DNAJC1: variants seen among roughly 807,000 people sequenced by gnomAD.
DNAJC1 encodes the protein DnaJ heat shock protein family (Hsp40) member C1, also known as dnaJ homolog subfamily C member 1.
DNAJC1 carries 58 observed loss-of-function variants against 76.6 expected under a neutral mutation model. The observed-to-expected ratio is 0.76, with a 90% confidence interval of 0.61 to 0.94. The LOEUF (loss-of-function observed/expected upper bound fraction) is 0.94. DNAJC1 is among the 40% of genes least tolerant of loss of function. The probability of loss-of-function intolerance (pLI) is 0.00; values close to 1 mark genes in which losing one functional copy is unlikely to be tolerated. For missense variants in DNAJC1, 689 were observed against 677.3 expected (o/e 1.02, Z -0.19); for synonymous variants, 258 against 267.9 (o/e 0.96, Z 0.36).
At chr10:21,808,270 CTATTTT>C (rs1270211950) in intron 8 of DNAJC1, among the ~76,000 whole-genome samples, 2 of 152,064 alleles carry the variant, frequency 1.3e-5, no homozygotes, top group African/African-American at 2.4e-5. Context: ...AAAATAATTT[CTATTTT>C]TAACAGATCA....
intron 8 of DNAJC1, among the ~76,000 whole-genome samples, chr10:21,853,530 A>G (rs1180790779): frequency 1.3e-5 from 2 of 152,094 alleles, no homozygotes; most frequent in African/African-American, 4.8e-5. Flanking sequence ...TTCGGTAAAA[A>G]AAGTTATTTC....
chr10:21,825,068 C>T (rs77022337), intron 8 of DNAJC1, among the ~76,000 whole-genome samples: 5 of 152,102 alleles, frequency 3.3e-5, no homozygotes, highest in East Asian at 1.9e-4. Flanking sequence ...TAAGCTGCCA[C>T]GCCCGGCCAA....
At chr10:21,916,105 C>G (rs1180898952) in intron 6 of DNAJC1, among the ~76,000 whole-genome samples, 1 of 152,186 alleles carries the variant, frequency 6.6e-6, no homozygotes, top group Non-Finnish European at 1.5e-5. Flanking sequence ...TTTCACAAGA[C>G]TCTAGTTTGA....
At chr10:21,843,710 A>C (rs1345090548) in intron 8 of DNAJC1, among the ~76,000 whole-genome samples, 3 of 151,290 alleles carry the variant, frequency 2.0e-5, no homozygotes, top group African/African-American at 7.3e-5. Context: ...GATTTTCTTA[A>C]TGACCTCAAA....
At chr10:21,995,346 G>T (rs886871547) in intron 1 of DNAJC1, among the ~76,000 whole-genome samples, 1 of 152,028 alleles carries the variant, frequency 6.6e-6, no homozygotes, top group Non-Finnish European at 1.5e-5. Flanking sequence ...TTTGACTACT[G>T]CTCACTATAC....
At chr10:21,959,167 TA>T (rs1175848238) in intron 1 of DNAJC1, among the ~76,000 whole-genome samples, 3 of 152,052 alleles carry the variant, frequency 2.0e-5, no homozygotes, top group African/African-American at 7.2e-5. Context: ...CTCGGTTACC[TA>T]GGCTAGGATG....
intron 8 of DNAJC1, among the ~76,000 whole-genome samples, chr10:21,854,274 A>C (rs1229740101): frequency 1.3e-5 from 2 of 151,674 alleles, no homozygotes; most frequent in Non-Finnish European, 2.9e-5. Context: ...AAATACAAAA[A>C]CTAAATCCTA....
intron 8 of DNAJC1, among the ~76,000 whole-genome samples, chr10:21,874,424 C>T (rs1836151772): frequency 6.7e-6 from 1 of 149,348 alleles, no homozygotes; most frequent in African/African-American, 2.5e-5. Context: ...AGAGTAAGAC[C>T]TGGTCTGTAA....
intron 6 of DNAJC1, among the ~76,000 whole-genome samples, chr10:21,908,994 T>A (rs1836808228): frequency 6.6e-6 from 1 of 152,082 alleles, no homozygotes; most frequent in African/African-American, 2.4e-5. Flanking sequence ...TAAGCAATTA[T>A]CCCTGCCTCA....
At position 21,925,486 on chromosome 10, in the gene DNAJC1, G is replaced by C. The variant is rs1366844165; in HGVS notation, c.371+3020C>G. Among the ~76,000 whole-genome samples the C allele has an allele frequency of 2.6e-5, 4 of 152,288 alleles. No homozygotes were observed. The East Asian group carries it at 7.7e-4, about 29-fold the overall frequency. On this transcript the variant is annotated intron_variant, in intron 3 of 11. Transcript: ENST00000376980. ...CATATGTCCATCTGAAGATTTATGTGAATGTTCATAGAAGCCTTGCTCATC... is the reference window on the plus strand; with the variant it reads ...CATATGTCCATCTGAAGATTTATGTCAATGTTCATAGAAGCCTTGCTCATC...
chr10:21,782,142 C>T (rs532191006), intron 9 of DNAJC1, among the ~76,000 whole-genome samples: 23 of 151,994 alleles, frequency 1.5e-4, no homozygotes, highest in South Asian at 8.3e-4. Context: ...ATTGATAGAC[C>T]GCTAGCAAGA....
intron 8 of DNAJC1, among the ~76,000 whole-genome samples, chr10:21,834,835 G>A (rs1007675190): frequency 2.0e-5 from 3 of 152,198 alleles, no homozygotes; most frequent in Admixed American, 6.5e-5. Flanking sequence ...CAGGAAGCTC[G>A]AACAGGGTGG....
At chr10:21,820,301 C>A (rs910981915) in intron 8 of DNAJC1, among the ~76,000 whole-genome samples, 1 of 152,090 alleles carries the variant, frequency 6.6e-6, no homozygotes, top group Admixed American at 6.6e-5. Flanking sequence ...GGGGGATATG[C>A]CACATTTTGT....
At chr10:21,826,237 C>CAAAAAA (rs538301271) in intron 8 of DNAJC1, among the ~76,000 whole-genome samples, 8 of 77,502 alleles carry the variant, frequency 1.0e-4, no homozygotes, top group East Asian at 1.3e-3. Context: ...AGACTTTGTC[C>CAAAAAA]AAAAAAAAAA....
intron 8 of DNAJC1, among the ~76,000 whole-genome samples, chr10:21,878,442 T>G (rs1836222246): frequency 6.6e-6 from 1 of 152,236 alleles, no homozygotes; most frequent in Non-Finnish European, 1.5e-5. Context: ...TACTGCATCT[T>G]TACATTTGTT....
chr10:21,930,267 G>T (rs957459531), intron 1 of DNAJC1, among the ~76,000 whole-genome samples: 1 of 152,118 alleles, frequency 6.6e-6, no homozygotes, highest in African/African-American at 2.4e-5. Flanking sequence ...GAGCCACCGC[G>T]CCTGGCTGGG....
intron 3 of DNAJC1, among the ~76,000 whole-genome samples, chr10:21,922,819 C>T (rs1837061125): frequency 6.6e-6 from 1 of 151,880 alleles, no homozygotes; most frequent in Non-Finnish European, 1.5e-5. Context: ...ATATAGAAAT[C>T]ATCATTTTCA....
intron 8 of DNAJC1, among the ~76,000 whole-genome samples, chr10:21,853,049 C>G (rs1835781001): frequency 6.6e-6 from 1 of 152,164 alleles, no homozygotes; most frequent in Non-Finnish European, 1.5e-5. Flanking sequence ...CTTTACAAAA[C>G]AGAGCATGTC....
At chr10:21,943,815 A>G (rs1837459207) in intron 1 of DNAJC1, among the ~76,000 whole-genome samples, 1 of 152,064 alleles carries the variant, frequency 6.6e-6, no homozygotes, top group South Asian at 2.1e-4. Context: ...CCAATTTCCC[A>G]ATGTTATGTT....
Sources: gnomAD v4.1 joint callset for allele counts (sites outside exome capture counted in the v4.1 genomes callset) on GRCh38, gnomAD v4.1.1 for gene constraint, MANE v1.5 for transcripts, NCBI Gene and HGNC (gene_info 2026-07-23, HGNC 2026-07-21) for gene names.